Variants in CNGB3 observed in about 807,000 individuals in gnomAD.
CNGB3 encodes cyclic nucleotide-gated channel beta-3.
CNGB3 carries 86 observed loss-of-function variants against 92.8 expected under a neutral mutation model. That is an observed-to-expected ratio of 0.93 (90% CI 0.78 to 1.11). The LOEUF (loss-of-function observed/expected upper bound fraction) is 1.11, where lower values mean the gene tolerates loss of function less well. Among genes scored for constraint, CNGB3 ranks in the 50% least tolerant of loss-of-function variants. CNGB3 has a pLI of 0.00. For missense variants in CNGB3, 1,026 were observed against 956.8 expected (o/e 1.07, Z -0.95); for synonymous variants, 333 against 332.7 (o/e 1.00, Z -0.01).
At chr8:86,604,538 T>A (rs1822377879) in intron 14 of CNGB3, among the ~76,000 whole-genome samples, 1 of 152,186 alleles carries the variant, frequency 6.6e-6, no homozygotes, top group Non-Finnish European at 1.5e-5. Flanking sequence ...TGGTCGAACC[T>A]GGCTTTGATG....
intron 3 of CNGB3, among the ~76,000 whole-genome samples, chr8:86,703,285 A>G (rs1390550179): frequency 6.6e-6 from 1 of 152,062 alleles, no homozygotes; most frequent in African/African-American, 2.4e-5. Flanking sequence ...TTTTCCTTCC[A>G]CTTACAGGCA....
At chr8:86,718,454 C>T (rs1824906100) in intron 3 of CNGB3, among the ~76,000 whole-genome samples, 1 of 151,946 alleles carries the variant, frequency 6.6e-6, no homozygotes, top group African/African-American at 2.4e-5. Flanking sequence ...TACAACCCTC[C>T]TAGATTAAAC....
chr8:86,743,260 G>A (rs1436167613), intron 1 of CNGB3, among the ~76,000 whole-genome samples: 1 of 152,212 alleles, frequency 6.6e-6, no homozygotes, highest in African/African-American at 2.4e-5. Context: ...AATCAGCAAT[G>A]AGAAGTCTTA....
chr8:86,677,370 G>A lies in CNGB3; in HGVS notation c.339-6272C>T, dbSNP rs530906980. ...TAGCAATACATTCAGTTTAGTAAAT[G>A]TGAAACTTGAGTCGTAAGTTAAGAA... On this transcript the variant is annotated intron_variant, in intron 3 of 17. Transcript: ENST00000320005. Among the ~76,000 whole-genome samples the A allele has an allele frequency of 3.9e-5, 6 of 152,298 alleles. No individual in the cohort carries two copies. In the South Asian group the frequency reaches 1.0e-3, roughly 26 times the overall value.
At chr8:86,660,549 A>C (rs1313433427) in intron 6 of CNGB3, 4 of 533,990 alleles carry the variant, frequency 7.5e-6, no homozygotes, top group Admixed American at 5.8e-5. Flanking sequence ...TGTACAATGG[A>C]ATTATAGGAT....
intron 15 of CNGB3, among the ~76,000 whole-genome samples, chr8:86,582,210 A>G (rs1481473801): frequency 2.6e-5 from 4 of 152,108 alleles, no homozygotes; most frequent in Non-Finnish European, 5.9e-5. Flanking sequence ...CCTGGGCAAC[A>G]TGGTCAAACC....
At chr8:86,589,670 G>C (rs1821983108) in intron 15 of CNGB3, among the ~76,000 whole-genome samples, 1 of 152,156 alleles carries the variant, frequency 6.6e-6, no homozygotes, top group Non-Finnish European at 1.5e-5. Flanking sequence ...TCTTAGTCCT[G>C]AGTTCTAGTT....
intron 3 of CNGB3, among the ~76,000 whole-genome samples, chr8:86,726,169 G>A (rs1048417856): frequency 6.6e-6 from 1 of 152,142 alleles, no homozygotes; most frequent in Admixed American, 6.6e-5. Context: ...TGGAATAGCT[G>A]TTTATTTGTG....
chr8:86,726,603 TGAG>T lies in CNGB3; in HGVS notation c.263_265del (p.Pro88del), dbSNP rs1825064871. ...TGTTCCAGTTGGTTCTGCTGCATTT[TGAG>T]GGTCAGGGTTTGTGGTCAGATCTCC... On this transcript the variant is annotated inframe_deletion, in exon 3 of 18. Coordinates refer to ENST00000320005, the MANE Select transcript of CNGB3 (RefSeq NM_019098.5). The T allele has an allele frequency of 1.2e-6, 2 of 1,613,906 alleles. No individual in the cohort carries two copies. Among genetic ancestry groups the T allele is most frequent in the African/African-American group, 1.3e-5 (1 of 75,012 alleles).
In CNGB3 at chr8:86,581,131, C is replaced by T. The variant is rs376943571; in HGVS notation, c.1782-1879G>A. On this transcript the variant is annotated intron_variant, in intron 15 of 17. Transcript: ENST00000320005. ...GTCCTTACAACAAGAAAAAGCTGCACAATTGAAAAATTAACGACTTTTCTT... is the reference window on the plus strand; with the variant it reads ...GTCCTTACAACAAGAAAAAGCTGCATAATTGAAAAATTAACGACTTTTCTT... Among the ~76,000 whole-genome samples, 4 of 152,254 alleles carry T rather than the reference C, an allele frequency of 2.6e-5. No individual in the cohort carries two copies. The East Asian group carries it at 7.7e-4, about 29-fold the overall frequency.
At position 86,667,108 on chromosome 8, in the gene CNGB3, C is replaced by G. The variant is rs1187007565; in HGVS notation, c.669G>C (p.Leu223Phe). 6.2e-7 allele frequency: 1 copy of G among 1,613,924 alleles called. No homozygotes were observed. Among genetic ancestry groups the G allele is most frequent in the African/African-American group, 1.3e-5 (1 of 74,908 alleles). ...YTDRLYLLWL[L>F]LVTLAYNWNC... is the part of the protein sequence containing the mutation. ...TCCAGTTATAGGCAAGAGTGACAAG[C>G]AAGAGCCACAGGAGATAGAGTCGAT... Residue 223 changes from leucine (L) to phenylalanine (F), a missense_variant, in exon 6 of 18, where the codon TTG becomes TTC. Transcript: ENST00000320005.
At chr8:86,671,198 T>A (rs535727607) in intron 3 of CNGB3, 100 bp from the exon 4 acceptor site, 2 of 1,345,708 alleles carry the variant, frequency 1.5e-6, no homozygotes, top group South Asian at 1.2e-5. Context: ...TCAAGATTAT[T>A]AACTTCCCCT....
At position 86,649,277 on chromosome 8, in the gene CNGB3, T is replaced by C. The variant is rs571799925; in HGVS notation, c.904-1390A>G. Among the ~76,000 whole-genome samples, 4 of 151,636 alleles carry C rather than the reference T, an allele frequency of 2.6e-5. No homozygotes were observed. In the South Asian group the frequency reaches 8.3e-4, roughly 31 times the overall value. ...ATCTACAGATCCAATGCAATTCCCA[T>C]CAAAATACCAACTTTTTTTTCACAG... is the stretch of plus-strand genomic sequence containing the variant. On this transcript the variant is annotated intron_variant, in intron 7 of 17. Coordinates refer to ENST00000320005, the MANE Select transcript of CNGB3 (RefSeq NM_019098.5).
chr8:86,668,106 T>A lies in CNGB3; in HGVS notation c.556A>T (p.Arg186Trp). The A allele has an allele frequency of 1.2e-6, 2 of 1,614,056 alleles. No individual in the cohort carries two copies. The highest frequency in any genetic ancestry group is 4.5e-5 in the East Asian group (2 of 44,870). ...TTTTTGACTTTGAACCACAACAGCC[T>A]GTAGTAATGTTCTGTTGGCTTATCA... is the stretch of plus-strand genomic sequence containing the variant. Reference protein sequence around the residue: ...SDDKPTEHYYRLLWFKVKKMP... With the variant: ...SDDKPTEHYYWLLWFKVKKMP... Residue 186 changes from arginine to tryptophan, a missense_variant, in exon 5 of 18, where the codon AGG becomes TGG. By Grantham distance (101) the Arg-to-Trp change is moderately radical (BLOSUM62 -3). Transcript: ENST00000320005.
intron 1 of CNGB3, among the ~76,000 whole-genome samples, chr8:86,741,256 C>T (rs1456693803): frequency 6.6e-6 from 1 of 152,152 alleles, no homozygotes; most frequent in Non-Finnish European, 1.5e-5. Flanking sequence ...AGGATTTTAA[C>T]TTTCTGTCAT....
chr8:86,664,029 G>A (rs1398854935), intron 6 of CNGB3, among the ~76,000 whole-genome samples: 2 of 152,144 alleles, frequency 1.3e-5, no homozygotes, highest in Non-Finnish European at 2.9e-5. Context: ...TGAAATTAGT[G>A]TTCCTTTTGT....
At chr8:86,711,031 A>G (rs568486163) in intron 3 of CNGB3, among the ~76,000 whole-genome samples, 1 of 152,332 alleles carries the variant, frequency 6.6e-6, no homozygotes, top group Non-Finnish European at 1.5e-5. Context: ...ATCATTTGAA[A>G]TAATTTTAAC....
intron 14 of CNGB3, among the ~76,000 whole-genome samples, chr8:86,609,522 A>T (rs149442598): frequency 6.6e-6 from 1 of 152,120 alleles, no homozygotes; most frequent in Non-Finnish European, 1.5e-5. Flanking sequence ...TTCTTCATTG[A>T]TCTCTTCAAA....
chr8:86,584,964 C>T (rs181856104), intron 15 of CNGB3, among the ~76,000 whole-genome samples: 1 of 152,182 alleles, frequency 6.6e-6, no homozygotes, highest in African/African-American at 2.4e-5. Context: ...ACTTTGGAAC[C>T]AGATAATCCT....
Sources: gnomAD v4.1 joint callset for allele counts (sites outside exome capture counted in the v4.1 genomes callset) on GRCh38, gnomAD v4.1.1 for gene constraint, MANE v1.5 for transcripts, NCBI Gene and HGNC (gene_info 2026-07-23, HGNC 2026-07-21) for gene names.